Variants in ELP4 observed in about 807,000 individuals in gnomAD.
ELP4 encodes the protein elongator acetyltransferase complex subunit 4, also known as elongator complex protein 4.
Under a neutral mutation model 48.9 loss-of-function variants are expected in ELP4, and 51 were observed. The observed-to-expected ratio is 1.04, with a 90% confidence interval of 0.83 to 1.32. ELP4 has a LOEUF of 1.32. ELP4 is among the 40% of genes most tolerant of loss of function. ELP4 has a pLI of 0.00. For synonymous variants in ELP4, 210 were observed against 189.2 expected, an observed-to-expected ratio of 1.11 and a Z score of -0.90; for missense variants, 519 against 514.6, an observed-to-expected ratio of 1.01 and a Z score of -0.08.
chr11:31,581,232 A>C (rs1957387088), intron 3 of ELP4, among the ~76,000 whole-genome samples: 1 of 152,112 alleles, frequency 6.6e-6, no homozygotes, highest in African/African-American at 2.4e-5. Context: ...TTCCTTTATC[A>C]TTCTAGCAAC....
chr11:31,700,386 A>G (rs1046737758), intron 9 of ELP4, among the ~76,000 whole-genome samples: 1 of 152,088 alleles, frequency 6.6e-6, no homozygotes, highest in Admixed American at 6.6e-5. Context: ...TAATAAATAC[A>G]TCATAAACAT....
At chr11:31,680,704 A>C (rs1946035184) in intron 9 of ELP4, among the ~76,000 whole-genome samples, 1 of 152,170 alleles carries the variant, frequency 6.6e-6, no homozygotes, top group African/African-American at 2.4e-5. Flanking sequence ...GCAATAGAGA[A>C]GGTTGTATTT....
At chr11:31,749,216 A>G (rs939549127) in intron 9 of ELP4, among the ~76,000 whole-genome samples, 1 of 152,248 alleles carries the variant, frequency 6.6e-6, no homozygotes, top group Admixed American at 6.5e-5. Flanking sequence ...TTACTGTGGA[A>G]GAAATGCACA....
intron 9 of ELP4, among the ~76,000 whole-genome samples, chr11:31,658,679 T>G (rs1403573763): frequency 6.6e-6 from 1 of 151,974 alleles, no homozygotes; most frequent in African/African-American, 2.4e-5. Flanking sequence ...ATTAATTTGC[T>G]TATAGCTAAT....
In ELP4 at chr11:31,603,697, T is replaced by C. The variant is rs1315265222; in HGVS notation, c.514-71T>C. 20 of 1,491,796 alleles carry C rather than the reference T, an allele frequency of 1.3e-5. No individual in the cohort carries two copies. The East Asian group carries it at 2.1e-4, about 16-fold the overall frequency. The allele number at this position is 1,491,796 out of a possible 1,614,324, so 92.4% of individuals were successfully genotyped here. ...ATTCATAAATATGCCATTGTTTTGC[T>C]GGATGTAGGACAAATAAATTATAGC... On this transcript the variant is annotated intron_variant, in intron 4 of 9. Transcript: ENST00000640961.
At chr11:31,743,941 A>G (rs1423965566) in intron 9 of ELP4, among the ~76,000 whole-genome samples, 2 of 152,196 alleles carry the variant, frequency 1.3e-5, no homozygotes, top group South Asian at 2.1e-4. Flanking sequence ...CAAAAAATTA[A>G]TGAGTCCAGG....
chr11:31,670,851 T>A (rs1945792532), intron 9 of ELP4, among the ~76,000 whole-genome samples: 1 of 152,048 alleles, frequency 6.6e-6, no homozygotes, highest in Non-Finnish European at 1.5e-5. Context: ...AAGGTTATTT[T>A]TTTCTAACCA....
At chr11:31,581,163 C>G (rs1184021723) in intron 3 of ELP4, among the ~76,000 whole-genome samples, 1 of 152,176 alleles carries the variant, frequency 6.6e-6, no homozygotes, top group Non-Finnish European at 1.5e-5. Context: ...CGTCCATACT[C>G]CAACTCCAAA....
chr11:31,632,151 G>T (rs1013083668), intron 6 of ELP4, 66 bp from the exon 7 acceptor site: 6 of 1,331,512 alleles, frequency 4.5e-6, no homozygotes, highest in Non-Finnish European at 6.2e-6. Context: ...AGAACTGACA[G>T]ATAAAAGTGG....
chr11:31,770,581 T>C (rs1188674991), intron 9 of ELP4, among the ~76,000 whole-genome samples: 1 of 135,582 alleles, frequency 7.4e-6, no homozygotes, highest in South Asian at 2.3e-4. Context: ...AAAAAAAAAA[T>C]AGAAACTAAA....
intron 2 of ELP4, among the ~76,000 whole-genome samples, chr11:31,520,561 T>C (rs947393742): frequency 7.9e-5 from 12 of 152,108 alleles, no homozygotes; most frequent in Non-Finnish European, 1.6e-4. Context: ...TTTAAGTATA[T>C]AACCATAATT....
At chr11:31,548,912 CTGGGAAAACTGG>C (rs1956785571) in intron 3 of ELP4, among the ~76,000 whole-genome samples, 1 of 151,930 alleles carries the variant, frequency 6.6e-6, no homozygotes, top group East Asian at 1.9e-4. Flanking sequence ...ATAAATGGTG[CTGGGAAAACTGG>C]CTAGCCATAT....
chr11:31,731,403 C>G (rs1203934663), intron 9 of ELP4, among the ~76,000 whole-genome samples: 2 of 152,102 alleles, frequency 1.3e-5, no homozygotes, highest in East Asian at 3.9e-4. Context: ...AGTGCAATAA[C>G]TAAACTTTTA....
At chr11:31,686,971 G>C (rs1296398773) in intron 9 of ELP4, among the ~76,000 whole-genome samples, 1 of 152,076 alleles carries the variant, frequency 6.6e-6, no homozygotes, top group Admixed American at 6.6e-5. Context: ...GGAAACTGTT[G>C]CAGAGGCCAG....
At position 31,787,091 on chromosome 11, in the gene ELP4, G is replaced by A. The variant is rs1592327945; in HGVS notation, c.*3567G>A. The A allele has an allele frequency of 4.3e-6, 1 of 231,704 alleles. No homozygotes were observed. The highest frequency in any genetic ancestry group is 6.1e-5 in the East Asian group (1 of 16,382). 14.4% of individuals were successfully genotyped at this position (231,704 alleles called of 1,614,324 possible). A position where few individuals can be genotyped will look rare whatever the true frequency, so the allele number is the denominator to read the frequency against. ...AACTCCCAGGCACTGCTACCACACA[G>A]AGCCTGCCATGCTGTCCCCAAGAGA... is the stretch of plus-strand genomic sequence containing the variant. On this transcript the variant is annotated 3_prime_UTR_variant, in exon 10 of 10. Transcript: ENST00000640961.
intron 4 of ELP4, chr11:31,599,442 C>T (rs1957738461): frequency 6.6e-6 from 1 of 150,510 alleles, no homozygotes. Context: ...TCATTATCTG[C>T]TTTATAAATC....
Position 31,790,061 on chromosome 11 carries a change from T to C in ELP4, c.*6537T>C, listed in dbSNP as rs372810626. ...GAAATAGCCATGTAGATATTCCCTT[T>C]GAGAAACAGACATGGAATACAAATT... On this transcript the variant is annotated 3_prime_UTR_variant, in exon 10 of 10. Transcript: ENST00000640961. The C allele has an allele frequency of 2.0e-5, 16 of 798,464 alleles. No individual in the cohort carries two copies. In the African/African-American group the frequency reaches 3.6e-4, roughly 18 times the overall value. The allele number at this position is 798,464 out of a possible 1,614,324, so 49.5% of individuals were successfully genotyped here.
At chr11:31,560,243 T>A (rs1001118534) in intron 3 of ELP4, among the ~76,000 whole-genome samples, 1 of 152,126 alleles carries the variant, frequency 6.6e-6, no homozygotes, top group Non-Finnish European at 1.5e-5. Context: ...TTAGACTACT[T>A]CTTTTCCAAA....
At position 31,539,749 on chromosome 11, in the gene ELP4, C is replaced by T. The variant is rs1956563521; in HGVS notation, c.347C>T (p.Ala116Val). ...GTCAATGGGCATACTTTGTTGGTTG[C>T]ATCTGCTAAAGAGGATCCTGCCAAC... is the stretch of plus-strand genomic sequence containing the variant. ...GIVNGHTLLV[A>V]SAKEDPANIL... Residue 116 changes from alanine to valine, a missense_variant, in exon 3 of 10, where the codon GCA becomes GTA. Coordinates refer to ENST00000640961, the MANE Select transcript of ELP4 (RefSeq NM_019040.5). 3 of 1,611,524 alleles carry T rather than the reference C, an allele frequency of 1.9e-6. No homozygotes were observed. Among genetic ancestry groups the T allele is most frequent in the Admixed American group, 1.7e-5 (1 of 59,808 alleles).
Sources: gnomAD v4.1 joint callset for allele counts (sites outside exome capture counted in the v4.1 genomes callset) on GRCh38, gnomAD v4.1.1 for gene constraint, MANE v1.5 for transcripts, NCBI Gene and HGNC (gene_info 2026-07-23, HGNC 2026-07-21) for gene names.